Variants in TAFA2 observed in about 807,000 individuals in gnomAD.
TAFA2 encodes chemokine-like protein TAFA-2.
TAFA2 carries 7 observed loss-of-function variants against 18.8 expected under a neutral mutation model. That is an observed-to-expected ratio of 0.37 (90% confidence interval 0.21 to 0.70). TAFA2 has a LOEUF of 0.70. TAFA2 is among the 30% of genes least tolerant of loss of function. The pLI, the probability that TAFA2 is intolerant of heterozygous loss-of-function variation, is 0.53. For synonymous variants in TAFA2, 60 were observed against 54.2 expected, an observed-to-expected ratio of 1.11 and a Z score of -0.47; for missense variants, 122 against 158.1, an observed-to-expected ratio of 0.77 and a Z score of 1.23.
chr12:61,974,267 A>G (rs1433248899), intron 1 of TAFA2, among the ~76,000 whole-genome samples: 2 of 151,776 alleles, frequency 1.3e-5, no homozygotes, highest in Admixed American at 6.6e-5. Flanking sequence ...AATATTACTG[A>G]TAGAAAAAGT....
chr12:61,836,756 T>TATATATATATATATATATATAC (rs68158949), intron 2 of TAFA2, among the ~76,000 whole-genome samples: 2,177 of 119,132 alleles, frequency 0.018, 53 homozygotes, highest in Non-Finnish European at 0.024. Context: ...TATATATATA[T>TATATATATATATATATATATAC]ACACACACAC....
chr12:62,206,258 A>G (rs2062691193), intron 1 of TAFA2, among the ~76,000 whole-genome samples: 1 of 152,198 alleles, frequency 6.6e-6, no homozygotes, highest in African/African-American at 2.4e-5. Context: ...CATAGATGAA[A>G]GGACATCTGT....
chr12:62,010,205 CT>C (rs1880688135), intron 1 of TAFA2, among the ~76,000 whole-genome samples: 1 of 142,756 alleles, frequency 7.0e-6, no homozygotes, highest in Non-Finnish European at 1.5e-5. Flanking sequence ...TGGTCTCCCT[CT>C]GTTACCGAGG....
intron 1 of TAFA2, among the ~76,000 whole-genome samples, chr12:62,093,818 C>A (rs1868827010): frequency 6.6e-6 from 1 of 151,826 alleles, no homozygotes; most frequent in African/African-American, 2.4e-5. Flanking sequence ...GTGTTAAGAC[C>A]AACAAATCAG....
At chr12:61,720,681 A>T (rs529615292) in intron 4 of TAFA2, 4 of 355,634 alleles carry the variant, frequency 1.1e-5, no homozygotes, top group Non-Finnish European at 2.2e-5. Flanking sequence ...AGCACCATGT[A>T]CACACCTGCT....
intron 1 of TAFA2, among the ~76,000 whole-genome samples, chr12:62,043,530 G>A (rs573753119): frequency 2.6e-5 from 4 of 152,072 alleles, no homozygotes; most frequent in Admixed American, 6.6e-5. Context: ...GAGTTAATGG[G>A]TGCAGCACAC....
At chr12:61,745,831 C>T (rs113569122) in intron 4 of TAFA2, among the ~76,000 whole-genome samples, 2,756 of 151,728 alleles carry the variant, frequency 0.018, 79 homozygotes, top group African/African-American at 0.062. Flanking sequence ...ATCTGTACCC[C>T]GAAAAGGCAG....
At chr12:61,784,809 CTCT>C (rs1337963421) in intron 2 of TAFA2, among the ~76,000 whole-genome samples, 1 of 147,436 alleles carries the variant, frequency 6.8e-6, no homozygotes, top group Non-Finnish European at 1.5e-5. Context: ...CTCTCTTTTC[CTCT>C]TCATTTTCTT....
At chr12:62,163,165 A>G (rs1346773266) in intron 1 of TAFA2, among the ~76,000 whole-genome samples, 1 of 152,108 alleles carries the variant, frequency 6.6e-6, no homozygotes, top group Non-Finnish European at 1.5e-5. Flanking sequence ...ACTAAAATAG[A>G]ACTCTACTTG....
chr12:61,886,694 A>G (rs1397617231), intron 1 of TAFA2, among the ~76,000 whole-genome samples: 2 of 152,154 alleles, frequency 1.3e-5, no homozygotes, highest in African/African-American at 2.4e-5. Flanking sequence ...AATTGAAAGG[A>G]TGTACATTAA....
At chr12:62,138,481 T>G (rs1453798885) in intron 1 of TAFA2, among the ~76,000 whole-genome samples, 1 of 152,226 alleles carries the variant, frequency 6.6e-6, no homozygotes, top group Non-Finnish European at 1.5e-5. Context: ...GATAGTTTAC[T>G]GCTATAGTTT....
intron 1 of TAFA2, among the ~76,000 whole-genome samples, chr12:61,949,617 G>A (rs1235936228): frequency 6.6e-6 from 1 of 151,942 alleles, no homozygotes; most frequent in African/African-American, 2.4e-5. Flanking sequence ...ATATACCTTG[G>A]GATGTCTCAG....
At chr12:62,187,683 T>C (rs563882226) in intron 1 of TAFA2, among the ~76,000 whole-genome samples, 1 of 152,304 alleles carries the variant, frequency 6.6e-6, no homozygotes, top group South Asian at 2.1e-4. Flanking sequence ...AATGAATCAC[T>C]GCACTGAATG....
At chr12:62,171,091 G>A (rs1389573083) in intron 1 of TAFA2, among the ~76,000 whole-genome samples, 1 of 151,820 alleles carries the variant, frequency 6.6e-6, no homozygotes, top group Non-Finnish European at 1.5e-5. Flanking sequence ...CACTTTAAAT[G>A]TAACATTTAA....
At chr12:61,879,797 C>A in intron 1 of TAFA2, 1 of 1,476,308 alleles carries the variant, frequency 6.8e-7, no homozygotes, top group Non-Finnish European at 9.4e-7. Flanking sequence ...CCAGGAGAAG[C>A]TGAAGCTGGA....
At chr12:61,833,011 T>A (rs1196988608) in intron 2 of TAFA2, among the ~76,000 whole-genome samples, 1 of 147,130 alleles carries the variant, frequency 6.8e-6, no homozygotes, top group African/African-American at 2.5e-5. Context: ...TTATATAATA[T>A]ATAAATATAT....
chr12:62,048,541 C>T (rs970719767), intron 1 of TAFA2, among the ~76,000 whole-genome samples: 3 of 152,176 alleles, frequency 2.0e-5, no homozygotes, highest in African/African-American at 7.2e-5. Context: ...AAAATCCTCA[C>T]TTAGCAGCTC....
At chr12:61,747,411 C>T (rs1868771216) in intron 4 of TAFA2, among the ~76,000 whole-genome samples, 1 of 147,118 alleles carries the variant, frequency 6.8e-6, no homozygotes, top group Non-Finnish European at 1.5e-5. Flanking sequence ...AAGACACATG[C>T]ACACGTATGT....
At chr12:62,202,739 T>A (rs1190331976) in intron 1 of TAFA2, among the ~76,000 whole-genome samples, 2 of 152,102 alleles carry the variant, frequency 1.3e-5, no homozygotes, top group African/African-American at 4.8e-5. Context: ...TCTAAGAACT[T>A]CTTGATTTCT....
Sources: gnomAD v4.1 joint callset for allele counts (sites outside exome capture counted in the v4.1 genomes callset) on GRCh38, gnomAD v4.1.1 for gene constraint, MANE v1.5 for transcripts, NCBI Gene and HGNC (gene_info 2026-07-23, HGNC 2026-07-21) for gene names.